VTI1A: variants seen among roughly 807,000 people sequenced by gnomAD.
The protein encoded by VTI1A is vesicle transport through interaction with t-SNAREs 1A, also known as vesicle transport through interaction with t-SNAREs homolog 1A.
In VTI1A, 22 loss-of-function variants were observed where a neutral mutation model predicts 34.9. The observed-to-expected ratio is 0.63, with a 90% CI of 0.45 to 0.90. The LOEUF (loss-of-function observed/expected upper bound fraction) is 0.90, where lower values mean the gene tolerates loss of function less well. Among genes scored for constraint, VTI1A ranks in the 40% least tolerant of loss-of-function variants. The pLI, the probability that VTI1A is intolerant of heterozygous loss-of-function variation, is 0.00. For synonymous variants in VTI1A, 87 were observed against 97.3 expected (o/e 0.89, Z 0.62); for missense variants, 268 against 275.6 (o/e 0.97, Z 0.20).
At chr10:112,611,572 T>A (rs1845310794) in intron 5 of VTI1A, among the ~76,000 whole-genome samples, 1 of 152,106 alleles carries the variant, frequency 6.6e-6, no homozygotes. Context: ...TCATCAAGAT[T>A]ATGCCATAGA....
chr10:112,702,489 G>A (rs766065327), intron 7 of VTI1A, among the ~76,000 whole-genome samples: 9 of 152,102 alleles, frequency 5.9e-5, no homozygotes, highest in Non-Finnish European at 8.8e-5. Flanking sequence ...GCACAATCTC[G>A]GCTCACTGAA....
At chr10:112,713,477 C>CTTT in intron 7 of VTI1A, among the ~76,000 whole-genome samples, 1 of 152,048 alleles carries the variant, frequency 6.6e-6, no homozygotes. Flanking sequence ...TTATTATTTT[C>CTTT]TTTTACCGAT....
At chr10:112,682,304 A>G (rs1479962106) in intron 7 of VTI1A, among the ~76,000 whole-genome samples, 1 of 152,158 alleles carries the variant, frequency 6.6e-6, no homozygotes, top group Admixed American at 6.5e-5. Flanking sequence ...TTATTTCACT[A>G]TTATAGCTAG....
intron 7 of VTI1A, among the ~76,000 whole-genome samples, chr10:112,755,758 A>G (rs916332963): frequency 1.3e-5 from 2 of 152,242 alleles, no homozygotes; most frequent in Non-Finnish European, 2.9e-5. Context: ...TTGTGTGTAT[A>G]TATATAAAAA....
chr10:112,741,467 C>T (rs1034535698), intron 7 of VTI1A, among the ~76,000 whole-genome samples: 2 of 152,000 alleles, frequency 1.3e-5, no homozygotes, highest in African/African-American at 2.4e-5. Context: ...TGACTGTTAA[C>T]GGATATTGGG....
chr10:112,518,587 C>A (rs201377980), intron 3 of VTI1A, among the ~76,000 whole-genome samples: 27,598 of 90,982 alleles, frequency 0.3, 3,180 homozygotes, highest in African/African-American at 0.43. Flanking sequence ...CTCTCTCTCT[C>A]TCTATATATA....
At chr10:112,474,581 G>A (rs1848217073) in intron 3 of VTI1A, among the ~76,000 whole-genome samples, 1 of 151,514 alleles carries the variant, frequency 6.6e-6, no homozygotes, top group South Asian at 2.1e-4. Flanking sequence ...TTATCCTCCA[G>A]AGTAGGTGGG....
At chr10:112,536,483 C>T (rs147616378) in intron 4 of VTI1A, among the ~76,000 whole-genome samples, 1 of 152,284 alleles carries the variant, frequency 6.6e-6, no homozygotes, top group African/African-American at 2.4e-5. Context: ...ATGCCAGACA[C>T]ACAGAGCTCC....
At chr10:112,507,684 AG>A (rs1010561325) in intron 3 of VTI1A, among the ~76,000 whole-genome samples, 1 of 152,180 alleles carries the variant, frequency 6.6e-6, no homozygotes, top group African/African-American at 2.4e-5. Flanking sequence ...CACATGACCC[AG>A]GGGGCATCTC....
chr10:112,823,402 G>C (rs1590216572), downstream of VTI1A: 1 of 152,206 alleles, frequency 6.6e-6, no homozygotes, highest in South Asian at 2.1e-4. Context: ...TTGCCGAGTG[G>C]CTAAGAGGTG....
At chr10:112,822,283 C>T (rs1853668149), downstream of VTI1A, among the ~76,000 whole-genome samples, 2 of 152,188 alleles carry the variant, frequency 1.3e-5, no homozygotes, top group African/African-American at 4.8e-5. Context: ...GGATTGCGTT[C>T]TGGCTTAGGG....
downstream of VTI1A, among the ~76,000 whole-genome samples, chr10:112,823,026 G>A (rs530608536): frequency 8.5e-4 from 129 of 152,288 alleles, no homozygotes; most frequent in African/African-American, 2.7e-3. Context: ...ATCACATTGC[G>A]ATGCCTGTGC....
At chr10:112,656,337 T>C (rs1351770771) in intron 5 of VTI1A, among the ~76,000 whole-genome samples, 3 of 151,956 alleles carry the variant, frequency 2.0e-5, no homozygotes, top group African/African-American at 7.3e-5. Context: ...TAACATTTTG[T>C]TGAAAAATTC....
At chr10:112,468,932 T>G (rs1329919560) in intron 3 of VTI1A, among the ~76,000 whole-genome samples, 1 of 152,244 alleles carries the variant, frequency 6.6e-6, no homozygotes, top group Non-Finnish European at 1.5e-5. Flanking sequence ...TCTCTACTAC[T>G]GAAAGCCTTC....
At chr10:112,554,284 C>A (rs899951726) in intron 5 of VTI1A, among the ~76,000 whole-genome samples, 5 of 152,174 alleles carry the variant, frequency 3.3e-5, no homozygotes, top group African/African-American at 1.2e-4. Flanking sequence ...TGCAGACTGT[C>A]ACAGCCCAGA....
chr10:112,617,264 C>T (rs1344066786), intron 5 of VTI1A, among the ~76,000 whole-genome samples: 2 of 152,086 alleles, frequency 1.3e-5, no homozygotes, highest in South Asian at 2.1e-4. Context: ...TAACTGCCAC[C>T]CTAGAATTGT....
intron 5 of VTI1A, among the ~76,000 whole-genome samples, chr10:112,624,379 G>A (rs1464152952): frequency 6.6e-6 from 1 of 152,124 alleles, no homozygotes; most frequent in East Asian, 1.9e-4. Flanking sequence ...TGATGTATTT[G>A]CTAGTGGTTC....
chr10:112,654,116 T>A (rs1847138739), intron 5 of VTI1A, among the ~76,000 whole-genome samples: 1 of 152,192 alleles, frequency 6.6e-6, no homozygotes, highest in South Asian at 2.1e-4. Flanking sequence ...AACTTTTTTG[T>A]TGTTAGGAGT....
intron 7 of VTI1A, among the ~76,000 whole-genome samples, chr10:112,785,033 C>T (rs1246975769): frequency 6.6e-6 from 1 of 152,184 alleles, no homozygotes; most frequent in African/African-American, 2.4e-5. Flanking sequence ...CCTTGGCCCC[C>T]GTTGGCTGTG....
Sources: allele counts gnomAD v4.1 joint callset (sites outside exome capture counted in the v4.1 genomes callset), GRCh38; gene constraint gnomAD v4.1.1; transcripts MANE v1.5; gene names NCBI Gene and HGNC (gene_info 2026-07-23, HGNC 2026-07-21).